ALDH1L2: variants seen among roughly 807,000 people sequenced by gnomAD.
The protein encoded by ALDH1L2 is mitochondrial 10-formyltetrahydrofolate dehydrogenase.
ALDH1L2 carries 91 observed loss-of-function variants against 111.0 expected under a neutral mutation model. The ratio of observed to expected loss-of-function variants is 0.82; its 90% CI spans 0.69 to 0.98. ALDH1L2 has a LOEUF of 0.98. Ranked by LOEUF, ALDH1L2 falls within the 50% of genes least tolerant of loss-of-function variation. The probability of loss-of-function intolerance (pLI) is 0.00; values close to 1 mark genes in which losing one functional copy is unlikely to be tolerated. For synonymous variants in ALDH1L2, 374 were observed against 392.6 expected, an observed-to-expected ratio of 0.95 and a Z score of 0.56; for missense variants, 995 against 1,126.8, an observed-to-expected ratio of 0.88 and a Z score of 1.67.
At chr12:105,054,674 C>CA (rs1410500058) in intron 10 of ALDH1L2, among the ~76,000 whole-genome samples, 1 of 152,184 alleles carries the variant, frequency 6.6e-6, no homozygotes, top group African/African-American at 2.4e-5. Flanking sequence ...GCTCTACTCT[C>CA]AGAGATTTTC....
intron 9 of ALDH1L2, among the ~76,000 whole-genome samples, chr12:105,059,252 C>T (rs532631960): frequency 2.7e-4 from 40 of 147,818 alleles, no homozygotes; most frequent in South Asian, 6.5e-4. Context: ...GGCGACAGAG[C>T]GAGACTCTGT....
intron 1 of ALDH1L2, among the ~76,000 whole-genome samples, chr12:105,080,133 T>G (rs1483497933): frequency 1.3e-5 from 2 of 152,196 alleles, no homozygotes; most frequent in Non-Finnish European, 2.9e-5. Context: ...CATGTAGAAG[T>G]ATTTTTCTCA....
chr12:105,036,377 G>T (rs374478380), intron 18 of ALDH1L2, among the ~76,000 whole-genome samples: 1 of 74,640 alleles, frequency 1.3e-5, no homozygotes, highest in Non-Finnish European at 2.2e-5. Flanking sequence ...ATATATATAC[G>T]TATATTTATA....
chr12:105,036,512 TTTTATATA>T (rs1875123285), intron 18 of ALDH1L2, among the ~76,000 whole-genome samples: 1 of 56,082 alleles, frequency 1.8e-5, no homozygotes, highest in Admixed American at 2.7e-4. Context: ...TATATATATA[TTTTATATA>T]TATATATATA....
chr12:105,045,115 C>T (rs367619524), intron 15 of ALDH1L2, among the ~76,000 whole-genome samples: 3 of 152,136 alleles, frequency 2.0e-5, no homozygotes, highest in East Asian at 3.8e-4. Context: ...CAGAGTTTCA[C>T]TCTTGTTGCC....
chr12:105,062,767 C>G (rs1565966461), intron 7 of ALDH1L2, 121 bp downstream of exon 7: 2 of 1,259,850 alleles, frequency 1.6e-6, no homozygotes, highest in East Asian at 5.0e-5. Context: ...TCATCTCCAT[C>G]AGGGCACTCA....
In ALDH1L2 at chr12:105,040,690, G is replaced by A. The variant is rs138062395; in HGVS notation, c.1868C>T (p.Thr623Met). 39 of 1,613,860 alleles carry A rather than the reference G, an allele frequency of 2.4e-5. No individual in the cohort carries two copies. The Admixed American group carries it at 3.2e-4, about 13-fold the overall frequency. Reference sequence around the variant, plus strand: ...TGCAAACTTCAAAGCAGTCAAGGGCGTGACCTGAGGAGAAGCAAACAGCAA... The same window carrying A: ...TGCAAACTTCAAAGCAGTCAAGGGCATGACCTGAGGAGAAGCAAACAGCAA... ...NTLVLKPAQV[T>M]PLTALKFAEL... The change falls in exon 16 of 23, where the codon ACG becomes ATG. Residue 623 changes from threonine to methionine, a missense_variant. Coordinates refer to ENST00000258494, the MANE Select transcript of ALDH1L2 (RefSeq NM_001034173.4).
rs1191989454 is a variant in ALDH1L2 at position 105,052,897 on chromosome 12, A to G, written c.1322T>C (p.Met441Thr). ...SKEVNEIMVK[M>T]PYQCFINGQF... ...TCCATTTATGAAACACTGGTATGGCATTTTTACCATGATTTCATTGACCTC... is the reference window on the plus strand; with the variant it reads ...TCCATTTATGAAACACTGGTATGGCGTTTTTACCATGATTTCATTGACCTC... The change falls in exon 11 of 23, where the codon ATG (methionine) becomes ACG (threonine). Residue 441 changes from methionine to threonine, a missense_variant. Met to Thr is a moderately conservative substitution (Grantham distance 81, BLOSUM62 -1). Coordinates refer to ENST00000258494, the MANE Select transcript of ALDH1L2 (RefSeq NM_001034173.4). 5.0e-6 allele frequency: 8 copies of G among 1,613,920 alleles called. No homozygotes were observed. Among genetic ancestry groups the G allele is most frequent in the Non-Finnish European group, 5.9e-6 (7 of 1,179,816 alleles).
intron 5 of ALDH1L2, among the ~76,000 whole-genome samples, chr12:105,066,234 T>C (rs1877343320): frequency 6.6e-6 from 1 of 152,184 alleles, no homozygotes; most frequent in Admixed American, 6.5e-5. Flanking sequence ...TGAAGAGGCG[T>C]TTCTGGGCAT....
intron 15 of ALDH1L2, among the ~76,000 whole-genome samples, chr12:105,042,449 T>A (rs12580282): frequency 1.3e-5 from 2 of 152,186 alleles, no homozygotes; most frequent in Non-Finnish European, 2.9e-5. Flanking sequence ...TGAGGACATA[T>A]AGTCCAAAGT....
At chr12:105,081,859 T>C (rs1878350619) in intron 1 of ALDH1L2, among the ~76,000 whole-genome samples, 1 of 152,254 alleles carries the variant, frequency 6.6e-6, no homozygotes, top group Admixed American at 6.5e-5. Flanking sequence ...GCTTTAATAC[T>C]AAACTTAAAA....
At chr12:105,042,802 C>G (rs1190684054) in intron 15 of ALDH1L2, among the ~76,000 whole-genome samples, 1 of 152,094 alleles carries the variant, frequency 6.6e-6, no homozygotes, top group Admixed American at 6.6e-5. Context: ...TCCCTTCTTT[C>G]TCACATAAAA....
intron 2 of ALDH1L2, among the ~76,000 whole-genome samples, chr12:105,071,629 TATATATATA>T (rs1400375852): frequency 2.0e-3 from 44 of 21,624 alleles, no homozygotes; most frequent in Non-Finnish European, 3.0e-3. Flanking sequence ...TATATATATA[TATATATATA>T]TATATTTTTT....
At chr12:105,061,876 T>C in intron 7 of ALDH1L2, 124 bp from the exon 8 acceptor site, 2 of 1,132,920 alleles carry the variant, frequency 1.8e-6, no homozygotes, top group Non-Finnish European at 2.5e-6. Context: ...AAAATACAGA[T>C]TAAAAGCATT....
intron 18 of ALDH1L2, among the ~76,000 whole-genome samples, chr12:105,036,030 CGT>C (rs1874999637): frequency 1.2e-5 from 1 of 80,842 alleles, no homozygotes; most frequent in South Asian, 3.4e-4. Flanking sequence ...TATATATATA[CGT>C]ATATTTATAT....
chr12:105,050,853 A>G (rs1483719162), intron 12 of ALDH1L2: 2 of 250,620 alleles, frequency 8.0e-6, no homozygotes, highest in East Asian at 1.3e-4. Flanking sequence ...ACTTGCCCCC[A>G]TGATTCAGTG....
chr12:105,070,702 C>G lies in ALDH1L2; in HGVS notation c.296G>C (p.Gly99Ala). The G allele has an allele frequency of 6.2e-7, 1 of 1,614,196 alleles. No homozygotes were observed. The highest frequency in any genetic ancestry group is 8.5e-7 in the Non-Finnish European group (1 of 1,180,036). The change falls in exon 3 of 23, where the codon GGT (glycine) becomes GCT (alanine). Residue 99 changes from glycine (G) to alanine (A), a missense_variant. Physicochemically the swap from Gly to Ala is moderately conservative, Grantham distance 60. Coordinates refer to ENST00000258494, the MANE Select transcript of ALDH1L2 (RefSeq NM_001034173.4). ...KEVAEAYRSV[G>A]AELNVLPFCT... ...GAAAGGGAGCACATTTAGCTCTGCA[C>G]CCACGGATCTGTAGGCTTCTGCCAC...
At chr12:105,051,759 G>T (rs1876277866) in intron 12 of ALDH1L2, among the ~76,000 whole-genome samples, 1 of 151,436 alleles carries the variant, frequency 6.6e-6, no homozygotes, top group African/African-American at 2.4e-5. Flanking sequence ...TCCAAAGGTA[G>T]TAGACTCACT....
intron 1 of ALDH1L2, among the ~76,000 whole-genome samples, chr12:105,077,446 T>A (rs1347432667): frequency 6.6e-6 from 1 of 151,848 alleles, no homozygotes; most frequent in East Asian, 1.9e-4. Context: ...AATTTTTTTT[T>A]TTTTTTAATT....
Sources: allele counts gnomAD v4.1 joint callset (sites outside exome capture counted in the v4.1 genomes callset), GRCh38; gene constraint gnomAD v4.1.1; transcripts MANE v1.5; gene names NCBI Gene and HGNC (gene_info 2026-07-23, HGNC 2026-07-21).